Variants in ALK observed in about 807,000 individuals in gnomAD.
The protein encoded by ALK is ALK tyrosine kinase receptor.
Under a neutral mutation model 163.1 loss-of-function variants are expected in ALK, and 74 were observed. The observed-to-expected ratio is 0.45, with a 90% confidence interval of 0.38 to 0.55. The LOEUF (loss-of-function observed/expected upper bound fraction) is 0.55. ALK is among the 20% of genes least tolerant of loss of function. The pLI is 0.00. For synonymous variants in ALK, 960 were observed against 843.2 expected (o/e 1.14, Z -2.40); for missense variants, 2,063 against 2,105.3 (o/e 0.98, Z 0.39).
intron 1 of ALK, among the ~76,000 whole-genome samples, chr2:29,805,627 G>A (rs1467844245): frequency 6.6e-6 from 1 of 152,150 alleles, no homozygotes; most frequent in Non-Finnish European, 1.5e-5. Flanking sequence ...CTTTGCTGAG[G>A]ATAATGGCTT....
intron 3 of ALK, among the ~76,000 whole-genome samples, chr2:29,665,004 T>C (rs965912438): frequency 3.8e-5 from 4 of 104,974 alleles, no homozygotes; most frequent in Admixed American, 1.7e-4. Context: ...TCTTTTTTTC[T>C]TTTTTTTTTT....
intron 3 of ALK, among the ~76,000 whole-genome samples, chr2:29,582,137 G>A (rs1674716688): frequency 6.6e-6 from 1 of 152,202 alleles, no homozygotes; most frequent in Non-Finnish European, 1.5e-5. Flanking sequence ...TCATGAGAAG[G>A]GAGATCTGCC....
chr2:29,845,618 G>A (rs781747395), intron 1 of ALK, among the ~76,000 whole-genome samples: 3 of 152,140 alleles, frequency 2.0e-5, no homozygotes, highest in Non-Finnish European at 4.4e-5. Context: ...ATTTTTAGTA[G>A]AGACAGGATT....
intron 8 of ALK, 30 bp from the exon 9 acceptor site, chr2:29,297,087 G>T: frequency 1.2e-6 from 2 of 1,614,028 alleles, no homozygotes; most frequent in Non-Finnish European, 1.7e-6. Context: ...CAGAGGACAA[G>T]GTATGATTGC....
At chr2:29,598,958 G>A (rs1307475859) in intron 3 of ALK, among the ~76,000 whole-genome samples, 5 of 151,912 alleles carry the variant, frequency 3.3e-5, no homozygotes. Flanking sequence ...AAAAGTACAT[G>A]TAAAAGGACA....
intron 11 of ALK, 124 bp from the exon 12 acceptor site, chr2:29,251,391 A>G: frequency 1.0e-6 from 1 of 983,904 alleles, no homozygotes; most frequent in Non-Finnish European, 1.5e-6. Flanking sequence ...GATGGCACCA[A>G]GGTCAGGGCA....
chr2:29,569,300 G>GAGCAGCAGCAGC (rs6146696), intron 3 of ALK, among the ~76,000 whole-genome samples: 1 of 151,140 alleles, frequency 6.6e-6, no homozygotes, highest in South Asian at 2.1e-4. Flanking sequence ...GCTGCAGCAG[G>GAGCAGCAGCAGC]AGCAGCAGCA....
At chr2:29,235,048 A>ACATATGCT (rs1664330830) in intron 13 of ALK, among the ~76,000 whole-genome samples, 1 of 152,198 alleles carries the variant, frequency 6.6e-6, no homozygotes, top group Non-Finnish European at 1.5e-5. Flanking sequence ...TTCTGGGCCC[A>ACATATGCT]CATATGCTCC....
intron 3 of ALK, among the ~76,000 whole-genome samples, chr2:29,606,901 C>T (rs1347196931): frequency 6.6e-6 from 1 of 152,232 alleles, no homozygotes; most frequent in Non-Finnish European, 1.5e-5. Context: ...GAAAAATCCT[C>T]ACACTAGTTG....
rs560744625 is a variant in ALK at position 29,765,513 on chromosome 2, C to T, written c.668-47816G>A. ...ATTTTGCAGAAACAGGGTCCCACTA[C>T]GTTGCCCAGGCTGGTCTCAAACTCG... On this transcript the variant is annotated intron_variant, in intron 1 of 28. Coordinates refer to ENST00000389048, the MANE Select transcript of ALK (RefSeq NM_004304.5). Among the ~76,000 whole-genome samples the T allele has an allele frequency of 7.2e-5, 11 of 152,206 alleles. No homozygotes were observed. The South Asian group carries it at 8.3e-4, about 11-fold the overall frequency.
chr2:29,604,810 A>G (rs1051920913), intron 3 of ALK, among the ~76,000 whole-genome samples: 2 of 152,190 alleles, frequency 1.3e-5, no homozygotes, highest in African/African-American at 4.8e-5. Context: ...CTATGCAGAC[A>G]GTTGTCTCTG....
At chr2:29,707,822 G>A (rs1002054376) in intron 2 of ALK, among the ~76,000 whole-genome samples, 9 of 152,182 alleles carry the variant, frequency 5.9e-5, no homozygotes, top group Non-Finnish European at 1.5e-5. Context: ...ATTCAGATCT[G>A]TCGTCATGTC....
At chr2:29,907,353 A>T (rs1302217168) in intron 1 of ALK, among the ~76,000 whole-genome samples, 5 of 152,232 alleles carry the variant, frequency 3.3e-5, no homozygotes, top group East Asian at 3.9e-4. Flanking sequence ...CTGATATTTC[A>T]TTCTCTTTCT....
At chr2:29,302,294 G>T (rs1404907914) in intron 8 of ALK, among the ~76,000 whole-genome samples, 1 of 152,202 alleles carries the variant, frequency 6.6e-6, no homozygotes, top group Non-Finnish European at 1.5e-5. Flanking sequence ...GAGGCAGGTG[G>T]ATCACCTGAG....
At chr2:29,740,115 T>G (rs1184573213) in intron 1 of ALK, among the ~76,000 whole-genome samples, 1 of 152,134 alleles carries the variant, frequency 6.6e-6, no homozygotes, top group East Asian at 1.9e-4. Flanking sequence ...TGCATTCTGA[T>G]GTGAGGTCAG....
intron 4 of ALK, among the ~76,000 whole-genome samples, chr2:29,400,146 C>G (rs1669408724): frequency 6.6e-6 from 1 of 152,168 alleles, no homozygotes; most frequent in African/African-American, 2.4e-5. Context: ...GTGTCAGGTA[C>G]ATCATCTCAT....
chr2:29,425,172 A>G (rs917560125), intron 4 of ALK, among the ~76,000 whole-genome samples: 1 of 152,208 alleles, frequency 6.6e-6, no homozygotes, highest in East Asian at 1.9e-4. Flanking sequence ...ATGAAAAAAA[A>G]TTAAGAGAAG....
chr2:29,527,440 G>A (rs951971133), intron 4 of ALK, among the ~76,000 whole-genome samples: 8 of 152,156 alleles, frequency 5.3e-5, no homozygotes, highest in African/African-American at 1.9e-4. Context: ...GGGCAGCTGG[G>A]AAACAGACCT....
intron 1 of ALK, among the ~76,000 whole-genome samples, chr2:29,900,317 T>C (rs1488654184): frequency 6.6e-6 from 1 of 152,176 alleles, no homozygotes; most frequent in Admixed American, 6.5e-5. Flanking sequence ...CCCTGGACAC[T>C]CAAGGGTTTT....
Sources: gnomAD v4.1 joint callset for allele counts (sites outside exome capture counted in the v4.1 genomes callset) on GRCh38, gnomAD v4.1.1 for gene constraint, MANE v1.5 for transcripts, NCBI Gene and HGNC (gene_info 2026-07-23, HGNC 2026-07-21) for gene names.